EYS: variants seen among roughly 807,000 people sequenced by gnomAD.
EYS encodes protein eyes shut homolog.
A neutral mutation model predicts 282.1 loss-of-function variants in EYS; 250 were observed. The observed-to-expected ratio is 0.89, with a 90% CI of 0.80 to 0.98. The LOEUF (loss-of-function observed/expected upper bound fraction) is 0.98. Among genes scored for constraint, EYS ranks in the 50% least tolerant of loss-of-function variants. EYS has a pLI of 0.00. For missense variants in EYS, 4,016 were observed against 3,709.0 expected, an observed-to-expected ratio of 1.08 and a Z score of -2.15; for synonymous variants, 1,355 against 1,282.9, an observed-to-expected ratio of 1.06 and a Z score of -1.20.
chr6:65,201,785 C>T (rs896712622), intron 12 of EYS, among the ~76,000 whole-genome samples: 2 of 151,922 alleles, frequency 1.3e-5, no homozygotes, highest in African/African-American at 4.8e-5. Flanking sequence ...AGGTCATGAA[C>T]ATTGCTAAGC....
intron 5 of EYS, among the ~76,000 whole-genome samples, chr6:65,473,868 G>GT (rs1765305211): frequency 1.3e-5 from 2 of 150,692 alleles, no homozygotes; most frequent in South Asian, 4.2e-4. Context: ...AAAAGGAAAT[G>GT]TAGAATGATT....
At chr6:64,324,017 C>G (rs1388152388) in intron 29 of EYS, among the ~76,000 whole-genome samples, 1 of 152,102 alleles carries the variant, frequency 6.6e-6, no homozygotes, top group Non-Finnish European at 1.5e-5. Context: ...CAAAAAGGGA[C>G]AATAACAGCC....
chr6:63,959,242 A>C (rs1051463735), intron 35 of EYS, among the ~76,000 whole-genome samples: 1 of 152,200 alleles, frequency 6.6e-6, no homozygotes, highest in Non-Finnish European at 1.5e-5. Flanking sequence ...ACATCTACGC[A>C]GCCAACAAAC....
At chr6:64,919,018 G>T (rs188101733) in intron 15 of EYS, among the ~76,000 whole-genome samples, 1 of 152,166 alleles carries the variant, frequency 6.6e-6, no homozygotes, top group Admixed American at 6.5e-5. Context: ...TCTTCATTAT[G>T]ATATTCTGCA....
chr6:64,596,753 C>T (rs1230009462), intron 24 of EYS, among the ~76,000 whole-genome samples: 2 of 152,062 alleles, frequency 1.3e-5, no homozygotes, highest in African/African-American at 4.8e-5. Context: ...AGCTATAAAA[C>T]TACTAGAAGA....
intron 12 of EYS, among the ~76,000 whole-genome samples, chr6:65,062,835 C>T (rs1277203521): frequency 6.6e-6 from 1 of 151,844 alleles, no homozygotes; most frequent in Admixed American, 6.6e-5. Context: ...CTCACATCAC[C>T]GTCTTTTACT....
intron 2 of EYS, 45 bp from the exon 3 acceptor site, chr6:65,496,038 T>C (rs111788019): frequency 4.6e-5 from 7 of 152,336 alleles, no homozygotes; most frequent in African/African-American, 1.4e-4. Context: ...ATATTTTTCA[T>C]GTAATATTTT....
intron 2 of EYS, among the ~76,000 whole-genome samples, chr6:65,560,988 A>G (rs1769032335): frequency 6.6e-6 from 1 of 151,878 alleles, no homozygotes; most frequent in African/African-American, 2.4e-5. Context: ...ATCATCTCTT[A>G]TTTTGATTGT....
At chr6:63,795,251 T>C (rs1225593945) in intron 37 of EYS, among the ~76,000 whole-genome samples, 1 of 152,184 alleles carries the variant, frequency 6.6e-6, no homozygotes, top group African/African-American at 2.4e-5. Context: ...GATGCTGTGG[T>C]CAGAATACCA....
At chr6:65,684,057 A>C (rs189481919) in intron 1 of EYS, among the ~76,000 whole-genome samples, 1 of 152,076 alleles carries the variant, frequency 6.6e-6, no homozygotes, top group East Asian at 1.9e-4. Flanking sequence ...ATTAATATTC[A>C]TTGCCTTAGA....
At chr6:65,615,888 C>A (rs986969118) in intron 2 of EYS, among the ~76,000 whole-genome samples, 1 of 150,506 alleles carries the variant, frequency 6.6e-6, no homozygotes, top group South Asian at 2.1e-4. Flanking sequence ...GAGCTGAGAT[C>A]GCACCACTGC....
At position 65,219,872 on chromosome 6, in the gene EYS, C is replaced by G. The variant is rs192567560; in HGVS notation, c.2023+75991G>C. Among the ~76,000 whole-genome samples, 218 of 152,194 alleles carry G rather than the reference C, an allele frequency of 1.4e-3. 1 individual carries two copies. Among genetic ancestry groups the G allele is most frequent in the African/African-American group, 4.6e-3 (193 of 41,520 alleles). ...AATCCCTTAAAAAACCATCAGATCT[C>G]ATGAGGCTTATTCACTACCATGAGA... On this transcript the variant is annotated intron_variant, in intron 12 of 42. Coordinates refer to ENST00000503581, the MANE Select transcript of EYS (RefSeq NM_001142800.2).
chr6:65,505,064 G>A (rs1044858047), intron 2 of EYS, among the ~76,000 whole-genome samples: 1 of 151,736 alleles, frequency 6.6e-6, no homozygotes, highest in Non-Finnish European at 1.5e-5. Context: ...AAGAGTATTA[G>A]TTATTGATTC....
At chr6:63,897,291 T>A (rs1773558745) in intron 35 of EYS, among the ~76,000 whole-genome samples, 1 of 152,150 alleles carries the variant, frequency 6.6e-6, no homozygotes, top group Non-Finnish European at 1.5e-5. Flanking sequence ...TCCTAAACCC[T>A]GGAACTTGTC....
At chr6:65,622,350 A>G (rs1766534827) in intron 2 of EYS, among the ~76,000 whole-genome samples, 2 of 152,220 alleles carry the variant, frequency 1.3e-5, no homozygotes, top group African/African-American at 2.4e-5. Context: ...TTACCTTGAA[A>G]TACATCAACT....
chr6:65,640,651 T>A (rs1230191715), intron 1 of EYS, among the ~76,000 whole-genome samples: 1 of 152,182 alleles, frequency 6.6e-6, no homozygotes, highest in African/African-American at 2.4e-5. Flanking sequence ...GTTGAGAATA[T>A]CATTTTACTG....
Position 64,764,603 on chromosome 6 carries a change from A to G in EYS, c.3443+48775T>C, listed in dbSNP as rs373251598. 5.2e-4 allele frequency among the ~76,000 whole-genome samples: 79 copies of G among 152,330 alleles called. No individual in the cohort carries two copies. In the South Asian group the frequency reaches 0.016, roughly 32 times the overall value. On this transcript the variant is annotated intron_variant, in intron 22 of 42. Coordinates refer to ENST00000503581, the MANE Select transcript of EYS (RefSeq NM_001142800.2). The stretch of plus-strand genomic sequence containing the variant: ...ATTCTCCCTATTGTGTTGGTTATTA[A>G]CATTTTGCCCATCTTTACTTATGCA...
chr6:64,683,195 T>C (rs181944621), intron 22 of EYS, among the ~76,000 whole-genome samples: 20 of 152,312 alleles, frequency 1.3e-4, no homozygotes, highest in Non-Finnish European at 1.9e-4. Context: ...CTCAATAGCC[T>C]ATCATTCACA....
intron 26 of EYS, among the ~76,000 whole-genome samples, chr6:64,493,853 AGGTAC>A (rs1776809045): frequency 6.6e-6 from 1 of 151,402 alleles, no homozygotes; most frequent in Non-Finnish European, 1.5e-5. Context: ...AACTGCCAAG[AGGTAC>A]TGGGATGAAA....
Sources: allele counts gnomAD v4.1 joint callset (sites outside exome capture counted in the v4.1 genomes callset), GRCh38; gene constraint gnomAD v4.1.1; transcripts MANE v1.5; gene names NCBI Gene and HGNC (gene_info 2026-07-23, HGNC 2026-07-21).